Variants in INPP5D observed in about 807,000 individuals in gnomAD.
The protein encoded by INPP5D is inositol polyphosphate-5-phosphatase D.
A neutral mutation model predicts 122.9 loss-of-function variants in INPP5D; 33 were observed. That is an observed-to-expected ratio of 0.27 (90% CI 0.20 to 0.36). The LOEUF is 0.36. Ranked by LOEUF, INPP5D falls within the 10% of genes least tolerant of loss-of-function variation. The pLI, the probability that INPP5D is intolerant of heterozygous loss-of-function variation, is 1.00. For missense variants in INPP5D, 1,053 were observed against 1,412.7 expected, an observed-to-expected ratio of 0.75 and a Z score of 4.08; for synonymous variants, 584 against 576.2, an observed-to-expected ratio of 1.01 and a Z score of -0.19.
intron 2 of INPP5D, among the ~76,000 whole-genome samples, chr2:233,094,578 A>G (rs909615643): frequency 1.3e-5 from 2 of 150,436 alleles, no homozygotes; most frequent in African/African-American, 2.4e-5. Flanking sequence ...TTAAAATTGT[A>G]TATAAGGCTC....
chr2:233,144,207 G>A (rs1693688281), intron 6 of INPP5D, among the ~76,000 whole-genome samples: 1 of 147,350 alleles, frequency 6.8e-6, no homozygotes, highest in African/African-American at 2.5e-5. Context: ...GAACTGGTAG[G>A]GGTGGAGGTG....
chr2:233,165,442 G>A (rs1321350283), intron 13 of INPP5D, among the ~76,000 whole-genome samples: 5 of 151,304 alleles, frequency 3.3e-5, no homozygotes, highest in Non-Finnish European at 5.9e-5. Context: ...GTACCACCCC[G>A]TATCTATGAG....
At chr2:233,110,606 T>G (rs2106243069) in intron 2 of INPP5D, among the ~76,000 whole-genome samples, 1 of 152,294 alleles carries the variant, frequency 6.6e-6, no homozygotes, top group East Asian at 1.9e-4. Flanking sequence ...TTCAACAAAC[T>G]ATTACAGTGT....
intron 13 of INPP5D, 143 bp from the exon 14 acceptor site, chr2:233,169,162 C>G (rs1328141764): frequency 8.0e-7 from 1 of 1,254,154 alleles, no homozygotes; most frequent in Non-Finnish European, 1.1e-6. Context: ...CCCAGCGGCT[C>G]CCACCCTGCA....
intron 1 of INPP5D, among the ~76,000 whole-genome samples, chr2:233,066,676 G>A (rs1400689621): frequency 1.3e-5 from 2 of 152,004 alleles, no homozygotes; most frequent in Non-Finnish European, 2.9e-5. Flanking sequence ...GCATGATCTC[G>A]GCGCACTGCA....
chr2:233,177,946 T>G lies in INPP5D; in HGVS notation c.2071+600T>G, dbSNP rs1456054346. ...ATATTAAGTGTGAACCATATGAAAG[T>G]GTTTTTGTAGGTCAGAAATAGTTAT... On this transcript the variant is annotated intron_variant, in intron 18 of 26. Transcript: ENST00000445964. This position sits in a 1 kb window ranked among gnomAD's most constrained non-coding sequence, Gnocchi z 4.2. Among the ~76,000 whole-genome samples, 1 of 152,202 alleles carries G rather than the reference T, an allele frequency of 6.6e-6. No homozygotes were observed. The highest frequency in any genetic ancestry group is 1.5e-5 in the Non-Finnish European group (1 of 68,044).
chr2:233,062,854 C>T (rs1691111702), intron 1 of INPP5D, among the ~76,000 whole-genome samples: 1 of 152,144 alleles, frequency 6.6e-6, no homozygotes. Context: ...GGCTGCCACC[C>T]TGGATTTTGC....
chr2:233,143,131 A>T (rs1193221480), intron 6 of INPP5D, among the ~76,000 whole-genome samples: 1 of 150,984 alleles, frequency 6.6e-6, no homozygotes, highest in Non-Finnish European at 1.5e-5. Context: ...AAATCAAGAC[A>T]TGTGAGGATT....
chr2:233,172,343 C>T lies in INPP5D; in HGVS notation c.1989+1191C>T, dbSNP rs576839794. Among the ~76,000 whole-genome samples, 209 of 152,232 alleles carry T rather than the reference C, an allele frequency of 1.4e-3. 1 individual carries two copies. Among genetic ancestry groups the T allele is most frequent in the African/African-American group, 4.6e-3 (193 of 41,528 alleles). On this transcript the variant is annotated intron_variant, in intron 17 of 26. Coordinates refer to ENST00000445964, the MANE Select transcript of INPP5D (RefSeq NM_001017915.3). ...CACAGGGGGCCACTGCAAGCTCTGCCGGGCACTGGTGCATCAGAGTGGCAT... is the reference window on the plus strand; with the variant it reads ...CACAGGGGGCCACTGCAAGCTCTGCTGGGCACTGGTGCATCAGAGTGGCAT...
intron 2 of INPP5D, among the ~76,000 whole-genome samples, chr2:233,118,967 G>A (rs916736483): frequency 2.0e-5 from 3 of 151,954 alleles, no homozygotes; most frequent in African/African-American, 7.3e-5. Flanking sequence ...GGCCTCACCG[G>A]GTCCACAGGG....
At chr2:233,062,097 G>A (rs1315273640) in intron 1 of INPP5D, among the ~76,000 whole-genome samples, 1 of 152,254 alleles carries the variant, frequency 6.6e-6, no homozygotes, top group African/African-American at 2.4e-5. Context: ...AGAAGGAGCA[G>A]GAAGATTCTC....
At chr2:233,071,718 C>T (rs909285913) in intron 1 of INPP5D, among the ~76,000 whole-genome samples, 3 of 152,142 alleles carry the variant, frequency 2.0e-5, no homozygotes, top group African/African-American at 7.2e-5. Context: ...ATAGATCCTG[C>T]ATATTTATTG....
At chr2:233,132,105 G>T (rs1185897713) in intron 5 of INPP5D, among the ~76,000 whole-genome samples, 5 of 152,170 alleles carry the variant, frequency 3.3e-5, no homozygotes, top group Admixed American at 2.6e-4. Context: ...GAGGGATTTT[G>T]TTCCATTTGA....
intron 9 of INPP5D, among the ~76,000 whole-genome samples, chr2:233,156,528 C>G (rs1429285918): frequency 6.6e-6 from 1 of 152,154 alleles, no homozygotes; most frequent in African/African-American, 2.4e-5. Flanking sequence ...CTCCTGAGCT[C>G]AGGCAATCTG....
intron 20 of INPP5D, 30 bp from the exon 21 acceptor site, chr2:233,185,813 C>A: frequency 1.3e-6 from 2 of 1,561,298 alleles, no homozygotes; most frequent in South Asian, 1.2e-5. Context: ...GCTCTGTTTT[C>A]TGAAAACCAG....
intron 3 of INPP5D, among the ~76,000 whole-genome samples, chr2:233,123,998 C>G (rs1693076384): frequency 6.6e-6 from 1 of 152,148 alleles, no homozygotes; most frequent in Admixed American, 6.5e-5. Flanking sequence ...TCAGAAATAA[C>G]TATTGGGTAC....
At chr2:233,122,464 G>A (rs1490021481) in intron 3 of INPP5D, among the ~76,000 whole-genome samples, 1 of 152,172 alleles carries the variant, frequency 6.6e-6, no homozygotes, top group Non-Finnish European at 1.5e-5. Flanking sequence ...GTGACCTTGG[G>A]GAAATTACCT....
intron 2 of INPP5D, among the ~76,000 whole-genome samples, chr2:233,095,843 C>T (rs980966200): frequency 6.6e-6 from 1 of 152,138 alleles, no homozygotes; most frequent in African/African-American, 2.4e-5. Context: ...ATCCCCCACC[C>T]TAGTCCCACT....
chr2:233,173,384 T>C (rs1694541535), intron 17 of INPP5D, among the ~76,000 whole-genome samples: 1 of 152,170 alleles, frequency 6.6e-6, no homozygotes, highest in South Asian at 2.1e-4. Flanking sequence ...ACACTTAGGC[T>C]ACCCTACATT....
Sources: gnomAD v4.1 joint callset for allele counts (sites outside exome capture counted in the v4.1 genomes callset) on GRCh38, gnomAD v4.1.1 for gene constraint, Gnocchi (gnomAD v3.1) non-coding constraint, MANE v1.5 for transcripts, NCBI Gene and HGNC (gene_info 2026-07-23, HGNC 2026-07-21) for gene names.